Variants in SCUBE1 observed in about 807,000 individuals in gnomAD.
SCUBE1 encodes signal peptide, CUB and EGF-like domain-containing protein 1.
Under a neutral mutation model 124.4 loss-of-function variants are expected in SCUBE1, and 59 were observed. The observed-to-expected ratio is 0.47, with a 90% CI of 0.38 to 0.59. SCUBE1 has a LOEUF of 0.59. Ranked by LOEUF, SCUBE1 falls within the 20% of genes least tolerant of loss-of-function variation. The pLI, the probability that SCUBE1 is intolerant of heterozygous loss-of-function variation, is 0.00. For synonymous variants in SCUBE1, 545 were observed against 550.9 expected, an observed-to-expected ratio of 0.99 and a Z score of 0.15; for missense variants, 1,150 against 1,371.2, an observed-to-expected ratio of 0.84 and a Z score of 2.55.
At chr22:43,325,071 G>C (rs905869141) in intron 2 of SCUBE1, among the ~76,000 whole-genome samples, 1 of 151,580 alleles carries the variant, frequency 6.6e-6, no homozygotes, top group African/African-American at 2.4e-5. Flanking sequence ...AGAGAAGGCA[G>C]CCGTGGGATG....
intron 4 of SCUBE1, among the ~76,000 whole-genome samples, chr22:43,276,176 G>A (rs1329453250): frequency 6.6e-6 from 1 of 152,214 alleles, no homozygotes; most frequent in African/African-American, 2.4e-5. Flanking sequence ...TTGGGCAGGT[G>A]GGAATTCTGT....
intron 8 of SCUBE1, among the ~76,000 whole-genome samples, chr22:43,230,814 C>T (rs1282073824): frequency 6.6e-6 from 1 of 152,176 alleles, no homozygotes; most frequent in Non-Finnish European, 1.5e-5. Flanking sequence ...CTTTTACATT[C>T]CTCAGGGACC....
chr22:43,218,972 T>C (rs988504561), intron 14 of SCUBE1, among the ~76,000 whole-genome samples: 4 of 152,246 alleles, frequency 2.6e-5, no homozygotes, highest in Non-Finnish European at 4.4e-5. Context: ...TGCCTTTGCC[T>C]ATTCTATTCC....
intron 4 of SCUBE1, 113 bp downstream of exon 4, chr22:43,290,933 C>G: frequency 7.9e-7 from 1 of 1,262,322 alleles, no homozygotes. Context: ...AGACTACCAC[C>G]AAAATTCCCT....
rs1273259318 is a variant in SCUBE1 at position 43,260,147 on chromosome 22, GTTC to G, written c.611-1815_611-1813del. ...CAGGGGTGCAGCTGGGGAGAAGGCA[GTTC>G]TTCTTGAGCTCCAGGCTCCTGGAGA... On this transcript the variant is annotated intron_variant, in intron 5 of 21. Coordinates refer to ENST00000360835, the MANE Select transcript of SCUBE1 (RefSeq NM_173050.5). Among the ~76,000 whole-genome samples the G allele has an allele frequency of 2.6e-5, 4 of 152,182 alleles. No individual in the cohort carries two copies. In the East Asian group the frequency reaches 5.8e-4, roughly 22 times the overall value.
rs1921485701 is a variant in SCUBE1 at position 43,210,245 on chromosome 22, G to C, written c.2384-5C>G. 1 of 1,520,620 alleles carries C rather than the reference G, an allele frequency of 6.6e-7. No individual in the cohort carries two copies. The allele number at this position is 1,520,620 out of a possible 1,614,324, so 94.2% of individuals were successfully genotyped here. ...GCTCGCCGCCGCAGTGCTGGTCTGT[G>C]GGCACAGTGGCCCGAGGGCCTCATC... On this transcript the variant is annotated splice_region_variant and splice_polypyrimidine_tract_variant and intron_variant, in intron 18 of 21. Coordinates refer to ENST00000360835, the MANE Select transcript of SCUBE1 (RefSeq NM_173050.5). The surrounding 1 kb of genome is among the most constrained non-coding windows in gnomAD (Gnocchi z 4.5).
At chr22:43,294,137 C>A (rs773466452) in intron 3 of SCUBE1, among the ~76,000 whole-genome samples, 4 of 152,344 alleles carry the variant, frequency 2.6e-5, no homozygotes, top group Non-Finnish European at 5.9e-5. Flanking sequence ...TGAGATGAAG[C>A]AGGTGGGAAG....
At chr22:43,279,477 ATGT>A (rs1214841207) in intron 4 of SCUBE1, among the ~76,000 whole-genome samples, 1 of 152,220 alleles carries the variant, frequency 6.6e-6, no homozygotes, top group Non-Finnish European at 1.5e-5. Flanking sequence ...CTCCAAAATG[ATGT>A]TGAAACTGAA....
At chr22:43,245,940 G>A (rs557192800) in intron 6 of SCUBE1, among the ~76,000 whole-genome samples, 15 of 152,298 alleles carry the variant, frequency 9.8e-5, no homozygotes, top group African/African-American at 2.4e-4. Context: ...GGGTGTTCCC[G>A]CACCTGCTCA....
chr22:43,281,536 TCAGTCACCCTC>T (rs1924891168), intron 4 of SCUBE1, among the ~76,000 whole-genome samples: 1 of 75,194 alleles, frequency 1.3e-5, no homozygotes, highest in African/African-American at 5.3e-5. Flanking sequence ...GTCACCTCCC[TCAGTCACCCTC>T]CTGTCACCTC....
intron 15 of SCUBE1, among the ~76,000 whole-genome samples, chr22:43,215,535 C>T (rs59841981): frequency 0.18 from 27,989 of 152,142 alleles, 4,068 homozygotes; most frequent in African/African-American, 0.4. Context: ...GAGAAAATGG[C>T]GAGTGAAAGT....
chr22:43,217,052 C>T (rs13056710), intron 15 of SCUBE1, among the ~76,000 whole-genome samples: 2 of 94,298 alleles, frequency 2.1e-5, no homozygotes, highest in Non-Finnish European at 4.1e-5. Context: ...CACCTCTTTA[C>T]CAACAGCTTC....
At chr22:43,309,749 G>A (rs1926104477) in intron 3 of SCUBE1, among the ~76,000 whole-genome samples, 1 of 151,654 alleles carries the variant, frequency 6.6e-6, no homozygotes, top group Admixed American at 6.6e-5. Context: ...CCCCATCTCA[G>A]CCACAGCAGC....
At chr22:43,265,912 C>T (rs542994094) in intron 4 of SCUBE1, among the ~76,000 whole-genome samples, 3 of 152,134 alleles carry the variant, frequency 2.0e-5, no homozygotes, top group Non-Finnish European at 4.4e-5. Flanking sequence ...ACTAGCCTGG[C>T]CAACGTGGTA....
Position 43,210,779 on chromosome 22 carries a change from T to G in SCUBE1, c.2383+143A>C. On this transcript the variant is annotated intron_variant, in intron 18 of 21. Coordinates refer to ENST00000360835, the MANE Select transcript of SCUBE1 (RefSeq NM_173050.5). The surrounding 1 kb of genome is among the most constrained non-coding windows in gnomAD (Gnocchi z 4.5). ...GCCACAGGCCTCCAGATGGATGCAATGCACCCGAGAGCAGACGGGACGGAG... is the reference window on the plus strand; with the variant it reads ...GCCACAGGCCTCCAGATGGATGCAAGGCACCCGAGAGCAGACGGGACGGAG... 2 of 1,000,716 alleles carry G rather than the reference T, an allele frequency of 2.0e-6. No individual in the cohort carries two copies. The highest frequency in any genetic ancestry group is 1.6e-5 in the South Asian group (1 of 64,096). 62.0% of individuals were successfully genotyped at this position (1,000,716 alleles called of 1,614,324 possible). A position where few individuals can be genotyped will look rare whatever the true frequency, so the allele number is the denominator to read the frequency against.
chr22:43,216,322 C>T (rs1463055281), intron 15 of SCUBE1, among the ~76,000 whole-genome samples: 3 of 148,886 alleles, frequency 2.0e-5, no homozygotes, highest in Non-Finnish European at 4.5e-5. Context: ...GCTGGGATTA[C>T]AGGCGTGAGC....
At position 43,214,217 on chromosome 22, in the gene SCUBE1, C is replaced by G; in HGVS notation, c.1926G>C (p.Glu642Asp). 6.2e-7 allele frequency: 1 copy of G among 1,612,850 alleles called. No individual in the cohort carries two copies. ...GCATACATGACACACACTGGCCGAG[C>G]TCACCACCGAAGTGGGTGCCAGGCC... ...ACGPGTHFGGELGQCVSCMPG... is the reference protein window; with the variant it reads ...ACGPGTHFGGDLGQCVSCMPG... The change falls in exon 16 of 22, where the codon GAG (glutamate) becomes GAC (aspartate). Residue 642 changes from glutamate (E) to aspartate (D), a missense_variant. This residue lies in a region of SCUBE1 where 757 missense variants were observed against 840.9 expected (regional missense o/e 0.90). Coordinates refer to ENST00000360835, the MANE Select transcript of SCUBE1 (RefSeq NM_173050.5).
At chr22:43,241,211 G>A (rs1922991257) in intron 6 of SCUBE1, among the ~76,000 whole-genome samples, 1 of 152,114 alleles carries the variant, frequency 6.6e-6, no homozygotes, top group Admixed American at 6.5e-5. Context: ...TCTATGGCTG[G>A]TATGTAAACA....
chr22:43,306,867 G>C (rs1925987335), intron 3 of SCUBE1, among the ~76,000 whole-genome samples: 1 of 152,178 alleles, frequency 6.6e-6, no homozygotes, highest in Non-Finnish European at 1.5e-5. Context: ...ACGGAGAAGT[G>C]GACTGGGGAG....
Sources: gnomAD v4.1 joint callset for allele counts (sites outside exome capture counted in the v4.1 genomes callset) on GRCh38, gnomAD v4.1.1 for gene constraint, gnomAD v4.1.1 regional missense constraint, Gnocchi (gnomAD v3.1) non-coding constraint, MANE v1.5 for transcripts, NCBI Gene and HGNC (gene_info 2026-07-23, HGNC 2026-07-21) for gene names.